LRRC1: variants seen among roughly 807,000 people sequenced by gnomAD.
LRRC1 encodes the protein leucine-rich repeat-containing protein 1.
In LRRC1, 28 loss-of-function variants were observed where a neutral mutation model predicts 69.9. That is an observed-to-expected ratio of 0.40 (90% CI 0.30 to 0.55). LRRC1 has a LOEUF of 0.55. Among genes scored for constraint, LRRC1 ranks in the 20% least tolerant of loss-of-function variants. The probability of loss-of-function intolerance (pLI) is 0.47; values close to 1 mark genes in which losing one functional copy is unlikely to be tolerated. For missense variants in LRRC1, 498 were observed against 609.0 expected, an observed-to-expected ratio of 0.82 and a Z score of 1.92; for synonymous variants, 236 against 240.2, an observed-to-expected ratio of 0.98 and a Z score of 0.16.
At chr6:53,918,465 A>G (rs1404272609) in intron 11 of LRRC1, among the ~76,000 whole-genome samples, 1 of 152,122 alleles carries the variant, frequency 6.6e-6, no homozygotes, top group Non-Finnish European at 1.5e-5. Flanking sequence ...GATTTTTTTT[A>G]CTTCTTTTAT....
At chr6:53,838,210 G>C (rs1481497068) in intron 1 of LRRC1, among the ~76,000 whole-genome samples, 1 of 152,176 alleles carries the variant, frequency 6.6e-6, no homozygotes, top group Non-Finnish European at 1.5e-5. Flanking sequence ...ATCACATCAG[G>C]ATAATGAGGG....
intron 1 of LRRC1, among the ~76,000 whole-genome samples, chr6:53,800,100 G>GGT (rs1361552126): frequency 6.6e-6 from 1 of 151,936 alleles, no homozygotes; most frequent in African/African-American, 2.4e-5. Context: ...TGTTTCCTTG[G>GGT]GTGTTACCTA....
At chr6:53,797,850 A>T (rs1764347317) in intron 1 of LRRC1, among the ~76,000 whole-genome samples, 1 of 152,218 alleles carries the variant, frequency 6.6e-6, no homozygotes, top group Non-Finnish European at 1.5e-5. Flanking sequence ...AGTGAGTTAG[A>T]TGCAGTTGCT....
rs1431743958 is a variant in LRRC1, at chr6:53,795,320, T to C, written c.64T>C (p.Cys22Arg). 6.2e-7 allele frequency: 1 copy of C among 1,613,516 alleles called. No homozygotes were observed. Among genetic ancestry groups the C allele is most frequent in the Non-Finnish European group, 8.5e-7 (1 of 1,179,944 alleles). The change falls in exon 1 of 14, where the codon TGC becomes CGC. Residue 22 changes from cysteine (C) to arginine (R), a missense_variant. By Grantham distance (180) the Cys-to-Arg change is radical (BLOSUM62 -3). Transcript: ENST00000370888. ...TGTGGAGAGCATCGACAAGCGCCACTGCTCGCTGGTCTACGTCCCCGAGGA... is the reference window on the plus strand; with the variant it reads ...TGTGGAGAGCATCGACAAGCGCCACCGCTCGCTGGTCTACGTCCCCGAGGA... ...RHVESIDKRHCSLVYVPEEIY... is the reference protein window; with the variant it reads ...RHVESIDKRHRSLVYVPEEIY...
chr6:53,898,759 C>T (rs985315465), intron 7 of LRRC1, among the ~76,000 whole-genome samples: 1 of 152,150 alleles, frequency 6.6e-6, no homozygotes, highest in East Asian at 1.9e-4. Context: ...AGTCTAGTTT[C>T]CTTTAGACAG....
chr6:53,829,632 CG>C (rs777862761), intron 1 of LRRC1, among the ~76,000 whole-genome samples: 4 of 151,466 alleles, frequency 2.6e-5, no homozygotes, highest in African/African-American at 9.7e-5. Context: ...AGTCATGACA[CG>C]GGTGATCTTG....
intron 3 of LRRC1, among the ~76,000 whole-genome samples, chr6:53,881,361 G>A (rs1767286966): frequency 6.6e-6 from 1 of 152,050 alleles, no homozygotes; most frequent in African/African-American, 2.4e-5. Flanking sequence ...TAGCCCTTAG[G>A]TTAACAGCCA....
intron 1 of LRRC1, among the ~76,000 whole-genome samples, chr6:53,814,167 A>G (rs1416869057): frequency 6.6e-6 from 1 of 152,214 alleles, no homozygotes; most frequent in East Asian, 1.9e-4. Context: ...GGCTAAAGTA[A>G]TGTGTAGGTC....
chr6:53,816,969 T>C (rs539345061), intron 1 of LRRC1, among the ~76,000 whole-genome samples: 1 of 152,350 alleles, frequency 6.6e-6, no homozygotes, highest in East Asian at 1.9e-4. Context: ...TTTCAGCTGA[T>C]ATTTTTGAAA....
At chr6:53,797,476 GCTAT>G (rs1562019550) in intron 1 of LRRC1, among the ~76,000 whole-genome samples, 2 of 152,118 alleles carry the variant, frequency 1.3e-5, no homozygotes, top group African/African-American at 2.4e-5. Context: ...CTTTCCTTGG[GCTAT>G]CTGTTGTCTC....
intron 4 of LRRC1, among the ~76,000 whole-genome samples, chr6:53,886,158 A>G (rs1767470126): frequency 6.6e-6 from 1 of 152,212 alleles, no homozygotes; most frequent in South Asian, 2.1e-4. Context: ...GTGAGTCCTC[A>G]CATAACATCA....
At chr6:53,837,589 C>T (rs1295594808) in intron 1 of LRRC1, among the ~76,000 whole-genome samples, 1 of 152,084 alleles carries the variant, frequency 6.6e-6, no homozygotes, top group Non-Finnish European at 1.5e-5. Context: ...TAGTTGTTCT[C>T]CATTTGAATT....
chr6:53,850,959 C>G (rs930217427), intron 2 of LRRC1, among the ~76,000 whole-genome samples: 1 of 152,046 alleles, frequency 6.6e-6, no homozygotes, highest in East Asian at 1.9e-4. Context: ...CCATTTCTAT[C>G]AACACTCTAT....
At chr6:53,866,918 C>T (rs187336057) in intron 2 of LRRC1, among the ~76,000 whole-genome samples, 5 of 152,168 alleles carry the variant, frequency 3.3e-5, no homozygotes, top group Admixed American at 3.3e-4. Flanking sequence ...GATGCACTTC[C>T]TCTCTGGTTC....
At chr6:53,901,437 G>A (rs570421927) in intron 8 of LRRC1, among the ~76,000 whole-genome samples, 2 of 152,142 alleles carry the variant, frequency 1.3e-5, no homozygotes, top group East Asian at 3.9e-4. Flanking sequence ...CTACTCAGAA[G>A]CCTGAAGGGG....
chr6:53,801,308 T>A (rs1764478515), intron 1 of LRRC1, among the ~76,000 whole-genome samples: 1 of 152,184 alleles, frequency 6.6e-6, no homozygotes, highest in Admixed American at 6.5e-5. Context: ...TTGTTGTCTG[T>A]CATGTTAAAT....
intron 8 of LRRC1, among the ~76,000 whole-genome samples, 179 bp downstream of exon 8, chr6:53,900,070 C>T (rs574474771): frequency 3.4e-4 from 44 of 130,422 alleles, no homozygotes; most frequent in Middle Eastern, 4.5e-3. Flanking sequence ...TGGAGTCTCG[C>T]TCTGTCGCCC....
At chr6:53,857,801 G>A (rs1272377164) in intron 2 of LRRC1, among the ~76,000 whole-genome samples, 1 of 152,230 alleles carries the variant, frequency 6.6e-6, no homozygotes, top group Non-Finnish European at 1.5e-5. Flanking sequence ...GTTTTTGAAA[G>A]ATCAGAGGAA....
chr6:53,855,078 G>C (rs1766268161), intron 2 of LRRC1, among the ~76,000 whole-genome samples: 1 of 152,206 alleles, frequency 6.6e-6, no homozygotes, highest in South Asian at 2.1e-4. Context: ...CAGTTTCAAA[G>C]TCTTTACCTG....
Sources: allele counts gnomAD v4.1 joint callset (sites outside exome capture counted in the v4.1 genomes callset), GRCh38; gene constraint gnomAD v4.1.1; transcripts MANE v1.5; gene names NCBI Gene and HGNC (gene_info 2026-07-23, HGNC 2026-07-21).